Variants in TRDN observed in about 807,000 individuals in gnomAD.
The protein encoded by TRDN is triadin in skeletal muscle.
A neutral mutation model predicts 149.7 loss-of-function variants in TRDN; 161 were observed. That is an observed-to-expected ratio of 1.08 (90% CI 0.95 to 1.23). TRDN has a LOEUF of 1.23. TRDN is among the 50% of genes most tolerant of loss of function. The pLI is 0.00. For synonymous variants in TRDN, 294 were observed against 250.5 expected (o/e 1.17, Z -1.64); for missense variants, 896 against 823.5 (o/e 1.09, Z -1.08).
At chr6:123,264,556 TA>T (rs762520356) in intron 33 of TRDN, among the ~76,000 whole-genome samples, 19 of 152,174 alleles carry the variant, frequency 1.2e-4, no homozygotes, top group Non-Finnish European at 1.8e-4. Context: ...GAACATTCCA[TA>T]AACTTAGTTG....
intron 2 of TRDN, among the ~76,000 whole-genome samples, chr6:123,564,131 T>C (rs2114511012): frequency 1.3e-5 from 2 of 152,306 alleles, no homozygotes; most frequent in Admixed American, 1.3e-4. Context: ...AAATATTGAA[T>C]TATAGAACTC....
intron 24 of TRDN, among the ~76,000 whole-genome samples, chr6:123,286,256 A>G (rs1777799754): frequency 6.6e-6 from 1 of 152,130 alleles, no homozygotes. Context: ...CACAATTGCA[A>G]AAACATGGAA....
At chr6:123,383,640 T>C (rs1200459170) in intron 14 of TRDN, among the ~76,000 whole-genome samples, 1 of 152,068 alleles carries the variant, frequency 6.6e-6, no homozygotes, top group East Asian at 1.9e-4. Context: ...GTGGAAAATA[T>C]TAACTAAATA....
At chr6:123,241,628 A>C (rs1217440692) in intron 38 of TRDN, among the ~76,000 whole-genome samples, 1 of 151,984 alleles carries the variant, frequency 6.6e-6, no homozygotes, top group Non-Finnish European at 1.5e-5. Context: ...GATAGAAAGA[A>C]AGTTGTTTAA....
chr6:123,611,179 A>G (rs1784792403), intron 1 of TRDN, among the ~76,000 whole-genome samples: 1 of 152,232 alleles, frequency 6.6e-6, no homozygotes. Context: ...TTAGTATGCA[A>G]ATGAAAATTG....
intron 12 of TRDN, among the ~76,000 whole-genome samples, chr6:123,434,866 T>C (rs945014716): frequency 1.3e-5 from 2 of 151,904 alleles, no homozygotes; most frequent in African/African-American, 4.8e-5. Context: ...AGTGTTATAA[T>C]TAACCCCAAT....
intron 13 of TRDN, among the ~76,000 whole-genome samples, chr6:123,390,486 A>T (rs1782065833): frequency 6.6e-6 from 1 of 152,134 alleles, no homozygotes; most frequent in East Asian, 1.9e-4. Flanking sequence ...GAGATAGTTG[A>T]ATGAAGGAAT....
intron 10 of TRDN, among the ~76,000 whole-genome samples, chr6:123,442,560 AAG>A (rs1365345102): frequency 8.6e-6 from 1 of 115,950 alleles, no homozygotes; most frequent in Non-Finnish European, 2.0e-5. Context: ...AAAAAAAAAA[AAG>A]AAAAAAAAAA....
chr6:123,559,338 C>T (rs553053883), intron 2 of TRDN, among the ~76,000 whole-genome samples: 17 of 152,292 alleles, frequency 1.1e-4, no homozygotes, highest in African/African-American at 3.4e-4. Flanking sequence ...TTAGACAATA[C>T]TCTTTTAAGC....
intron 24 of TRDN, among the ~76,000 whole-genome samples, chr6:123,311,804 G>A (rs867144507): frequency 6.6e-6 from 1 of 152,104 alleles, no homozygotes; most frequent in Admixed American, 6.6e-5. Flanking sequence ...GAATGTTTCT[G>A]TTGGAGGAAA....
chr6:123,493,702 A>G (rs984508973), intron 9 of TRDN, among the ~76,000 whole-genome samples: 6 of 152,306 alleles, frequency 3.9e-5, no homozygotes, highest in East Asian at 1.9e-4. Flanking sequence ...AACAGATGGA[A>G]GCGCAAATGT....
chr6:123,267,755 G>C lies in TRDN; in HGVS notation c.1739-4C>G. 4 of 1,566,870 alleles carry C rather than the reference G, an allele frequency of 2.6e-6. No individual in the cohort carries two copies. The highest frequency in any genetic ancestry group is 3.5e-6 in the Non-Finnish European group (4 of 1,156,412). ...CTTTCTCGATGTTCAGCTTTTTCTAGAGAAAGAAATCAAAATTCACTGGCA... is the reference window on the plus strand; with the variant it reads ...CTTTCTCGATGTTCAGCTTTTTCTACAGAAAGAAATCAAAATTCACTGGCA... On this transcript the variant is annotated splice_region_variant and splice_polypyrimidine_tract_variant and intron_variant, in intron 31 of 40. Transcript: ENST00000334268.
At chr6:123,283,594 C>G (rs964619028) in intron 24 of TRDN, among the ~76,000 whole-genome samples, 1 of 151,150 alleles carries the variant, frequency 6.6e-6, no homozygotes, top group Non-Finnish European at 1.5e-5. Context: ...CAAATAAGCT[C>G]AATTAGATAC....
chr6:123,436,338 T>G (rs1774560703), intron 12 of TRDN, among the ~76,000 whole-genome samples: 1 of 152,086 alleles, frequency 6.6e-6, no homozygotes, highest in Non-Finnish European at 1.5e-5. Flanking sequence ...AATAGAACAA[T>G]AGACTACAAT....
chr6:123,377,764 A>G (rs1781565771), intron 17 of TRDN, 22 bp from the exon 18 acceptor site: 1 of 1,613,060 alleles, frequency 6.2e-7, no homozygotes. Context: ...AGGAAAGAAA[A>G]AAAAATCAGC....
chr6:123,584,174 T>C (rs556162307), intron 1 of TRDN, among the ~76,000 whole-genome samples: 7 of 151,950 alleles, frequency 4.6e-5, no homozygotes, highest in South Asian at 4.2e-4. Context: ...TGTGGGAGGC[T>C]GGATTGAAGT....
At chr6:123,325,409 A>G (rs1779405886) in intron 23 of TRDN, among the ~76,000 whole-genome samples, 1 of 152,168 alleles carries the variant, frequency 6.6e-6, no homozygotes, top group Non-Finnish European at 1.5e-5. Flanking sequence ...ACTAAACCAA[A>G]TATTCTAGAC....
chr6:123,256,376 T>C (rs1383957484), intron 35 of TRDN, among the ~76,000 whole-genome samples: 2 of 152,028 alleles, frequency 1.3e-5, no homozygotes, highest in Non-Finnish European at 2.9e-5. Context: ...CTCAGTCACA[T>C]GCTATTTCTG....
At chr6:123,345,027 A>G (rs1173878569) in intron 21 of TRDN, among the ~76,000 whole-genome samples, 1 of 151,978 alleles carries the variant, frequency 6.6e-6, no homozygotes, top group Non-Finnish European at 1.5e-5. Flanking sequence ...TCATATGCTT[A>G]TTCCCATCTT....
Sources: gnomAD v4.1 joint callset for allele counts (sites outside exome capture counted in the v4.1 genomes callset) on GRCh38, gnomAD v4.1.1 for gene constraint, MANE v1.5 for transcripts, NCBI Gene and HGNC (gene_info 2026-07-23, HGNC 2026-07-21) for gene names.